The following ENTPD1 variants were observed in gnomAD, a reference collection of about 807,000 sequenced individuals.
The protein encoded by ENTPD1 is ATP diphosphohydrolase.
ENTPD1 carries 33 observed loss-of-function variants against 57.0 expected under a neutral mutation model. That is an observed-to-expected ratio of 0.58 (90% CI 0.44 to 0.77). The LOEUF (loss-of-function observed/expected upper bound fraction) is 0.77, where lower values mean the gene tolerates loss of function less well. Ranked by LOEUF, ENTPD1 falls within the 30% of genes least tolerant of loss-of-function variation. The probability of loss-of-function intolerance (pLI) is 0.00; values close to 1 mark genes in which losing one functional copy is unlikely to be tolerated. For synonymous variants in ENTPD1, 202 were observed against 218.8 expected, an observed-to-expected ratio of 0.92 and a Z score of 0.68; for missense variants, 501 against 603.4, an observed-to-expected ratio of 0.83 and a Z score of 1.78.
intron 1 of ENTPD1, among the ~76,000 whole-genome samples, chr10:95,749,327 G>T (rs1340467427): frequency 1.3e-5 from 2 of 152,056 alleles, no homozygotes; most frequent in Non-Finnish European, 2.9e-5. Context: ...ATGACTATGT[G>T]GATCTCAATA....
chr10:95,723,042 C>T (rs150505174), intron 1 of ENTPD1, among the ~76,000 whole-genome samples: 5,679 of 152,286 alleles, frequency 0.037, 131 homozygotes, highest in Non-Finnish European at 0.049. Context: ...TTTGGGCCAT[C>T]TGCGGGTTAC....
intron 2 of ENTPD1, among the ~76,000 whole-genome samples, chr10:95,834,161 A>T (rs989433419): frequency 6.6e-6 from 1 of 152,130 alleles, no homozygotes; most frequent in African/African-American, 2.4e-5. Context: ...CCCCTCATTT[A>T]TCCATTTGAT....
chr10:95,815,783 T>G (rs2098327949), intron 1 of ENTPD1, among the ~76,000 whole-genome samples: 1 of 152,182 alleles, frequency 6.6e-6, no homozygotes, highest in Non-Finnish European at 1.5e-5. Context: ...GAGTCAAGTT[T>G]CAGAGCAGGA....
At position 95,869,964 on chromosome 10, in the gene ENTPD1, A is replaced by G. The variant is rs1409063665; in HGVS notation, c.*3581A>G. The G allele has an allele frequency of 1.0e-6, 1 of 985,378 alleles. No homozygotes were observed. The highest frequency in any genetic ancestry group is 1.2e-6 in the Non-Finnish European group (1 of 829,948). The allele number at this position is 985,378 out of a possible 1,614,324, so 61.0% of individuals were successfully genotyped here. A position where few individuals can be genotyped will look rare whatever the true frequency, so the allele number is the denominator to read the frequency against. ...TACTGGACAGCACATGTCCAAAAAA[A>G]TACACGTAAAGTTAAAGTTTAAAAG... On this transcript the variant is annotated 3_prime_UTR_variant, in exon 10 of 10. Transcript: ENST00000371205.
intron 1 of ENTPD1, among the ~76,000 whole-genome samples, chr10:95,778,712 T>G (rs1254943537): frequency 6.6e-6 from 1 of 152,196 alleles, no homozygotes; most frequent in Non-Finnish European, 1.5e-5. Flanking sequence ...ATTGTACACT[T>G]TTTTGGTATC....
upstream of ENTPD1, among the ~76,000 whole-genome samples, chr10:95,752,357 A>G (rs1460754074): frequency 2.0e-5 from 3 of 152,184 alleles, no homozygotes; most frequent in Non-Finnish European, 4.4e-5. Flanking sequence ...TAAAATAGAC[A>G]TAAAAGTTAC....
intron 3 of ENTPD1, among the ~76,000 whole-genome samples, chr10:95,841,074 A>T (rs2098421460): frequency 6.6e-6 from 1 of 152,064 alleles, no homozygotes; most frequent in African/African-American, 2.4e-5. Context: ...TATTTGACAC[A>T]CTGCCTTCCA....
chr10:95,809,606 A>G (rs11188495), intron 1 of ENTPD1, among the ~76,000 whole-genome samples: 51,883 of 101,258 alleles, frequency 0.51, 14,398 homozygotes, highest in Admixed American at 0.62. Flanking sequence ...GGCGGATGCC[A>G]GGCAGAGGCG....
the ENTPD1 span, among the ~76,000 whole-genome samples, chr10:95,704,947 T>C: frequency 1.3e-5 from 2 of 151,896 alleles, no homozygotes; most frequent in Admixed American, 6.6e-5. Flanking sequence ...AAAGAATCCA[T>C]GTACAATCCC....
the ENTPD1 span, among the ~76,000 whole-genome samples, chr10:95,701,233 G>A: frequency 6.6e-6 from 1 of 152,202 alleles, no homozygotes; most frequent in Non-Finnish European, 1.5e-5. Context: ...AGTTGAAGCA[G>A]AAGGACTGCT....
chr10:95,718,406 A>G (rs2097973922), intron 1 of ENTPD1, among the ~76,000 whole-genome samples: 1 of 151,820 alleles, frequency 6.6e-6, no homozygotes, highest in African/African-American at 2.4e-5. Context: ...TCTGGCTTCA[A>G]TATCCTCTTG....
Position 95,873,258 on chromosome 10 carries a change from C to T in ENTPD1, c.*6875C>T. On this transcript the variant is annotated 3_prime_UTR_variant, in exon 10 of 10. Transcript: ENST00000371205. Reference sequence around the variant, plus strand: ...TGTTCATCCACTACCTGACTACTGTCATTCACAGGCATTCTGTTCCACAGC... The same window carrying T: ...TGTTCATCCACTACCTGACTACTGTTATTCACAGGCATTCTGTTCCACAGC... The T allele has an allele frequency of 1.0e-6, 1 of 985,376 alleles. No individual in the cohort carries two copies. Among genetic ancestry groups the T allele is most frequent in the Non-Finnish European group, 1.2e-6 (1 of 829,890 alleles). The allele number at this position is 985,376 out of a possible 1,614,324, so 61.0% of individuals were successfully genotyped here. A position where few individuals can be genotyped will look rare whatever the true frequency, so the allele number is the denominator to read the frequency against.
intron 1 of ENTPD1, 29 bp from the exon 2 acceptor site, chr10:95,823,208 G>A (rs748314965): frequency 3.1e-6 from 5 of 1,613,122 alleles, no homozygotes; most frequent in Non-Finnish European, 1.7e-6. Flanking sequence ...TTTCTTGTTG[G>A]TATTTTTTTC....
At chr10:95,860,375 T>C (rs563329789) in intron 7 of ENTPD1, 94 bp from the exon 8 acceptor site, 137 of 999,508 alleles carry the variant, frequency 1.4e-4, no homozygotes, top group Admixed American at 1.3e-3. Flanking sequence ...AGCAGAACTT[T>C]CCAGGCACCT....
chr10:95,751,486 G>A (rs532298491), upstream of ENTPD1, among the ~76,000 whole-genome samples: 52 of 152,148 alleles, frequency 3.4e-4, no homozygotes, highest in South Asian at 1.0e-2. Context: ...TTGGGAGGCC[G>A]AGGCAGCCTA....
At chr10:95,740,432 C>T (rs191486584) in intron 1 of ENTPD1, among the ~76,000 whole-genome samples, 13 of 152,290 alleles carry the variant, frequency 8.5e-5, no homozygotes, top group Admixed American at 2.6e-4. Flanking sequence ...GCCCATTTAA[C>T]GTAATTCTTA....
rs951297136 is a variant in ENTPD1, at chr10:95,869,257, T to G, written c.*2874T>G. 6.8e-5 allele frequency: 66 copies of G among 969,582 alleles called. No individual in the cohort carries two copies. The highest frequency in any genetic ancestry group is 2.2e-4 in the African/African-American group (12 of 53,402). 60.1% of individuals were successfully genotyped at this position (969,582 alleles called of 1,614,324 possible). On this transcript the variant is annotated 3_prime_UTR_variant, in exon 10 of 10. Transcript: ENST00000371205. ...AAGTCATTACTTTTTTTTTTTTTTT[T>G]TTTTTTTTTTGAGAGAGAGTCTCAC...
In ENTPD1 at chr10:95,756,237, C is replaced by A. The variant is rs2098023288; in HGVS notation, c.-3C>A. The stretch of plus-strand genomic sequence containing the variant: ...AAGAGGAGGAAAACAAAAGCTGCTA[C>A]TTATGGAAGATACAAAGGGTAAGAC... On this transcript the variant is annotated 5_prime_UTR_variant, in exon 1 of 10. Transcript: ENST00000371205. 1 of 1,594,900 alleles carries A rather than the reference C, an allele frequency of 6.3e-7. No homozygotes were observed. The highest frequency in any genetic ancestry group is 8.5e-7 in the Non-Finnish European group (1 of 1,170,068).
rs545933906 is a variant in ENTPD1 at position 95,734,082 on chromosome 10, G to A, written c.37+22089G>A. On this transcript the variant is annotated intron_variant, in intron 1 of 9. Transcript: ENST00000453258. Reference sequence around the variant, plus strand: ...TCCACTCCAAGCACCAGGGCGTCCAGCTGAGGCAAAGCCCCCTCACCACAC... The same window carrying A: ...TCCACTCCAAGCACCAGGGCGTCCAACTGAGGCAAAGCCCCCTCACCACAC... Among the ~76,000 whole-genome samples the A allele has an allele frequency of 1.3e-3, 197 of 152,286 alleles. 1 individual carries two copies. The highest frequency in any genetic ancestry group is 4.5e-3 in the African/African-American group (187 of 41,540).
Sources: gnomAD v4.1 joint callset for allele counts (sites outside exome capture counted in the v4.1 genomes callset) on GRCh38, gnomAD v4.1.1 for gene constraint, MANE v1.5 for transcripts, NCBI Gene and HGNC (gene_info 2026-07-23, HGNC 2026-07-21) for gene names.